The following SERPINB8 variants were observed in gnomAD, a reference collection of about 807,000 sequenced individuals.
The protein encoded by SERPINB8 is serpin family B member 8.
A neutral mutation model predicts 35.3 loss-of-function variants in SERPINB8; 25 were observed. The observed-to-expected ratio is 0.71, with a 90% CI of 0.52 to 0.99. The LOEUF (loss-of-function observed/expected upper bound fraction) is 0.99. SERPINB8 is among the 50% of genes least tolerant of loss of function. SERPINB8 has a pLI of 0.00. For synonymous variants in SERPINB8, 186 were observed against 160.8 expected (o/e 1.16, Z -1.19); for missense variants, 484 against 446.5 (o/e 1.08, Z -0.76).
chr18:64,018,009 C>A (rs2050958516), intron 7 of SERPINB8, among the ~76,000 whole-genome samples: 1 of 152,206 alleles, frequency 6.6e-6, no homozygotes, highest in African/African-American at 2.4e-5. Flanking sequence ...GAATTTCTTT[C>A]AGAAGTTCAA....
In SERPINB8 at chr18:63,970,150, CA is replaced by C; in HGVS notation, c.-30del. 4 of 334,234 alleles carry C rather than the reference CA, an allele frequency of 1.2e-5. No homozygotes were observed. Among genetic ancestry groups the C allele is most frequent in the South Asian group, 4.9e-5 (2 of 40,568 alleles). The allele number at this position is 334,234 out of a possible 1,614,324, so 20.7% of individuals were successfully genotyped here. A position where few individuals can be genotyped will look rare whatever the true frequency, so the allele number is the denominator to read the frequency against. On this transcript the variant is annotated 5_prime_UTR_variant, in exon 1 of 7. Transcript: ENST00000397985. Reference sequence around the variant, plus strand: ...GCAGCAGCGGCGGCGGCGGCGGCGGCAGCAGCAGCAGCAGCAGGAGGTGGGG... The same window carrying C: ...GCAGCAGCGGCGGCGGCGGCGGCGGCGCAGCAGCAGCAGCAGGAGGTGGGG...
intron 1 of SERPINB8, 71 bp from the exon 2 acceptor site, chr18:63,978,228 G>A (rs1046961215): frequency 2.6e-6 from 4 of 1,539,444 alleles, no homozygotes; most frequent in African/African-American, 2.7e-5. Context: ...CCACTGACTG[G>A]GGGATGAATG....
intron 1 of SERPINB8, among the ~76,000 whole-genome samples, chr18:63,994,617 T>C (rs376946915): frequency 7.2e-5 from 11 of 152,194 alleles, no homozygotes; most frequent in African/African-American, 2.4e-4. Context: ...CTCAGCTGGG[T>C]ACTACTTGGG....
chr18:63,979,019 A>T (rs777348306), intron 2 of SERPINB8, among the ~76,000 whole-genome samples: 14 of 152,196 alleles, frequency 9.2e-5, no homozygotes, highest in Non-Finnish European at 1.6e-4. Flanking sequence ...GAGGTGTGGG[A>T]TAATGCTTTA....
chr18:64,002,816 G>T (rs1452701416), intron 1 of SERPINB8, among the ~76,000 whole-genome samples: 2 of 152,170 alleles, frequency 1.3e-5, no homozygotes, highest in African/African-American at 2.4e-5. Flanking sequence ...CCTCGGTGCC[G>T]ACTCGTGCCC....
intron 1 of SERPINB8, among the ~76,000 whole-genome samples, chr18:64,003,645 T>A (rs1390393664): frequency 1.3e-5 from 2 of 152,036 alleles, no homozygotes; most frequent in Non-Finnish European, 2.9e-5. Flanking sequence ...TCAAGAAAGC[T>A]GGTGGAGTAG....
In SERPINB8 at chr18:64,018,733, A is replaced by G. The variant is rs115879733; in HGVS notation, c.*3-177A>G. Among the ~76,000 whole-genome samples the G allele has an allele frequency of 8.9e-3, 1,341 of 151,408 alleles. 20 individuals are homozygous for G. The highest frequency in any genetic ancestry group is 0.032 in the African/African-American group (1,286 of 40,698). ...TACAGGGAAAACATCTATGAATTACACTTCCTATTTTTCTGGTTTTATGAA... is the reference window on the plus strand; with the variant it reads ...TACAGGGAAAACATCTATGAATTACGCTTCCTATTTTTCTGGTTTTATGAA... On this transcript the variant is annotated intron_variant, in intron 7 of 7. Coordinates refer to the SERPINB8 transcript ENST00000636430.
chr18:63,988,838 G>A lies in SERPINB8; in HGVS notation c.*1560G>A, dbSNP rs1005573444. 2 of 152,242 alleles carry A rather than the reference G, an allele frequency of 1.3e-5. No homozygotes were observed. The highest frequency in any genetic ancestry group is 2.4e-5 in the African/African-American group (1 of 41,460). The allele number at this position is 152,242 out of a possible 1,614,324, so 9.4% of individuals were successfully genotyped here. On this transcript the variant is annotated 3_prime_UTR_variant, in exon 7 of 7. Coordinates refer to ENST00000397985, the MANE Select transcript of SERPINB8 (RefSeq NM_002640.4). The stretch of plus-strand genomic sequence containing the variant: ...AGGACTGAAAGGTATACATCTGTGA[G>A]TTTTGTTCTCACTTCCACCTCTAAT...
chr18:63,998,762 G>C (rs552845200), intron 1 of SERPINB8, among the ~76,000 whole-genome samples: 7 of 152,280 alleles, frequency 4.6e-5, no homozygotes, highest in Admixed American at 2.0e-4. Flanking sequence ...GCACAGATTG[G>C]GAGGCATGAA....
chr18:63,978,600 C>A, intron 2 of SERPINB8, 124 bp downstream of exon 2: 1 of 1,095,152 alleles, frequency 9.1e-7, no homozygotes, highest in Non-Finnish European at 1.3e-6. Context: ...AGGAGCAGCT[C>A]GGCAGTGGAG....
intron 1 of SERPINB8, among the ~76,000 whole-genome samples, chr18:63,973,456 A>T (rs147643611): frequency 0.038 from 5,728 of 152,102 alleles, 317 homozygotes; most frequent in African/African-American, 0.13. Flanking sequence ...GTTTACTCTG[A>T]TGGTAGTTTC....
At chr18:63,989,792 A>C (rs1326869637), downstream of SERPINB8, among the ~76,000 whole-genome samples, 1 of 150,970 alleles carries the variant, frequency 6.6e-6, no homozygotes, top group African/African-American at 2.4e-5. Context: ...AAATACAAAA[A>C]ATTAGCTGGG....
intron 1 of SERPINB8, among the ~76,000 whole-genome samples, chr18:64,001,455 T>A (rs2050873869): frequency 8.0e-6 from 1 of 125,500 alleles, no homozygotes; most frequent in South Asian, 2.7e-4. Context: ...TGCTTTCTTT[T>A]CTTTTCTGTT....
At chr18:63,977,483 A>G (rs981431627) in intron 1 of SERPINB8, among the ~76,000 whole-genome samples, 3 of 152,202 alleles carry the variant, frequency 2.0e-5, no homozygotes, top group South Asian at 2.1e-4. Flanking sequence ...GCCCGCCACC[A>G]TGCCTGGATA....
downstream of SERPINB8, among the ~76,000 whole-genome samples, chr18:64,007,010 A>T (rs894982842): frequency 1.3e-5 from 2 of 151,650 alleles, no homozygotes; most frequent in Non-Finnish European, 2.9e-5. Context: ...GCAGACAAAC[A>T]ATATAATAGA....
In SERPINB8 at chr18:63,986,949, G is replaced by A. The variant is rs149386291; in HGVS notation, c.796G>A (p.Val266Ile). The A allele has an allele frequency of 2.4e-4, 393 of 1,614,182 alleles. 3 individuals are homozygous for A. The highest frequency in any genetic ancestry group is 4.9e-4 in the Middle Eastern group (3 of 6,062). The change falls in exon 7 of 7, where the codon GTT becomes ATT. Residue 266 changes from valine to isoleucine, a missense_variant. Physicochemically the swap from Val to Ile is conservative, Grantham distance 29. Transcript: ENST00000397985. ...AAAGTTGACAAAAAGTAAGGTTCAA[G>A]TTTTCCTTCCCAGATTAAAGCTGGA... ...SEKLTKSKVQ[V>I]FLPRLKLEES...
intron 1 of SERPINB8, among the ~76,000 whole-genome samples, chr18:63,971,310 AT>A (rs2050476163): frequency 6.6e-6 from 1 of 152,186 alleles, no homozygotes; most frequent in Admixed American, 6.5e-5. Flanking sequence ...ACCTCTCGGA[AT>A]CGGGATGCTG....
chr18:63,998,555 C>T (rs370883699), intron 1 of SERPINB8, among the ~76,000 whole-genome samples: 135 of 152,278 alleles, frequency 8.9e-4, no homozygotes, highest in African/African-American at 2.7e-3. Flanking sequence ...GGTCTCACTG[C>T]GGCAATTCTC....
Position 63,983,645 on chromosome 18 carries a change from C to A in SERPINB8, c.491C>A (p.Ala164Asp). Residue 164 changes from alanine (A) to aspartate (D), a missense_variant, in exon 5 of 7, where the codon GCC (alanine) becomes GAC (aspartate). Coordinates refer to ENST00000397985, the MANE Select transcript of SERPINB8 (RefSeq NM_002640.4). ...DPLTKLVLVN[A>D]IYFKGKWNEQ... is the part of the protein sequence containing the mutation. Reference sequence around the variant, plus strand: ...CTGACAAAGCTGGTCCTTGTGAATGCCATTTATTTCAAGGGAAAGTGGAAT... The same window carrying A: ...CTGACAAAGCTGGTCCTTGTGAATGACATTTATTTCAAGGGAAAGTGGAAT... 6.2e-7 allele frequency: 1 copy of A among 1,613,420 alleles called. No individual in the cohort carries two copies. Among genetic ancestry groups the A allele is most frequent in the Non-Finnish European group, 8.5e-7 (1 of 1,179,396 alleles).
Sources: allele counts gnomAD v4.1 joint callset (sites outside exome capture counted in the v4.1 genomes callset), GRCh38; gene constraint gnomAD v4.1.1; transcripts MANE v1.5; gene names NCBI Gene and HGNC (gene_info 2026-07-23, HGNC 2026-07-21).